FOXP2: variants seen among roughly 807,000 people sequenced by gnomAD.
The protein encoded by FOXP2 is forkhead box P2, also known as forkhead box protein P2.
In FOXP2, 12 loss-of-function variants were observed where a neutral mutation model predicts 115.8. The ratio of observed to expected loss-of-function variants is 0.10; its 90% confidence interval spans 0.07 to 0.17. The LOEUF (loss-of-function observed/expected upper bound fraction) is 0.17. Ranked by LOEUF, FOXP2 falls within the 10% of genes least tolerant of loss-of-function variation. The pLI is 1.00. For synonymous variants in FOXP2, 328 were observed against 297.7 expected (o/e 1.10, Z -1.05); for missense variants, 629 against 843.5 (o/e 0.75, Z 3.15).
chr7:114,363,697 C>G (rs1470296802), intron 2 of FOXP2, among the ~76,000 whole-genome samples: 1 of 151,916 alleles, frequency 6.6e-6, no homozygotes, highest in African/African-American at 2.4e-5. Context: ...TATTTTTAAA[C>G]TCTTACGTGA....
chr7:114,262,364 G>A (rs1046632492), intron 1 of FOXP2, among the ~76,000 whole-genome samples: 3 of 151,988 alleles, frequency 2.0e-5, no homozygotes, highest in African/African-American at 7.2e-5. Context: ...TTGAGGCTTG[G>A]AGTGAGCTAT....
At chr7:114,646,569 T>C (rs1490234931) in intron 8 of FOXP2, among the ~76,000 whole-genome samples, 4 of 152,168 alleles carry the variant, frequency 2.6e-5, no homozygotes, top group East Asian at 1.9e-4. Context: ...TTCCAACCCA[T>C]TAACTTTATA....
At chr7:114,484,619 A>G (rs910446588) in intron 2 of FOXP2, among the ~76,000 whole-genome samples, 3 of 151,940 alleles carry the variant, frequency 2.0e-5, no homozygotes, top group Admixed American at 6.6e-5. Flanking sequence ...TAAAATGGTC[A>G]TTTATTCTAA....
intron 2 of FOXP2, among the ~76,000 whole-genome samples, chr7:114,511,156 G>A (rs1402628023): frequency 5.3e-5 from 8 of 152,078 alleles, no homozygotes; most frequent in Non-Finnish European, 1.0e-4. Flanking sequence ...GTTGAACAGT[G>A]AGAACACATG....
chr7:114,142,387 T>A (rs1319685729), intron 1 of FOXP2, among the ~76,000 whole-genome samples: 1 of 152,190 alleles, frequency 6.6e-6, no homozygotes, highest in Non-Finnish European at 1.5e-5. Context: ...AGAAGCACTA[T>A]TATTTGTAGA....
intron 1 of FOXP2, among the ~76,000 whole-genome samples, chr7:114,242,470 C>G (rs1236993194): frequency 6.6e-6 from 1 of 151,910 alleles, no homozygotes; most frequent in Non-Finnish European, 1.5e-5. Flanking sequence ...GACCATATCC[C>G]CATAACCATT....
At chr7:114,382,242 G>T (rs1457206069) in intron 2 of FOXP2, among the ~76,000 whole-genome samples, 1 of 152,144 alleles carries the variant, frequency 6.6e-6, no homozygotes, top group African/African-American at 2.4e-5. Context: ...CAGTGTCCAG[G>T]AGACAGTTAC....
At chr7:114,661,980 A>G (rs1046038313) in intron 13 of FOXP2, 85 bp from the exon 14 acceptor site, 3 of 1,531,584 alleles carry the variant, frequency 2.0e-6, no homozygotes, top group African/African-American at 2.7e-5. Context: ...ACTCTGATTA[A>G]GTAAGATCAA....
chr7:114,603,067 G>T (rs921741824), intron 3 of FOXP2, among the ~76,000 whole-genome samples: 2 of 152,114 alleles, frequency 1.3e-5, no homozygotes, highest in Admixed American at 6.6e-5. Flanking sequence ...GCAGCAAAAT[G>T]ATGACTATTT....
At chr7:114,101,899 T>TG (rs1790974326) in intron 1 of FOXP2, among the ~76,000 whole-genome samples, 3 of 142,410 alleles carry the variant, frequency 2.1e-5, no homozygotes, top group African/African-American at 7.7e-5. Context: ...CTTCAACATT[T>TG]TGTGTGTGTG....
intron 1 of FOXP2, among the ~76,000 whole-genome samples, chr7:114,271,600 A>T (rs1171237307): frequency 4.8e-5 from 6 of 124,140 alleles, no homozygotes; most frequent in African/African-American, 1.9e-4. Flanking sequence ...TTATAATATA[A>T]TATTAATATA....
chr7:114,371,971 A>G (rs1792019782), intron 2 of FOXP2, among the ~76,000 whole-genome samples: 1 of 152,210 alleles, frequency 6.6e-6, no homozygotes, highest in Non-Finnish European at 1.5e-5. Flanking sequence ...ATATGAATAT[A>G]TGTTTTTAAA....
chr7:114,364,267 T>G (rs1180363967), intron 2 of FOXP2, among the ~76,000 whole-genome samples: 1 of 152,110 alleles, frequency 6.6e-6, no homozygotes, highest in Non-Finnish European at 1.5e-5. Context: ...ATATTGTTAA[T>G]GAAGTGGAGG....
At chr7:114,527,284 G>A (rs758517437) in intron 2 of FOXP2, among the ~76,000 whole-genome samples, 23 of 152,022 alleles carry the variant, frequency 1.5e-4, no homozygotes, top group Non-Finnish European at 3.1e-4. Context: ...CTTTTTGTGG[G>A]AATGTAAGTT....
intron 3 of FOXP2, among the ~76,000 whole-genome samples, chr7:114,558,179 G>A (rs776666115): frequency 1.3e-5 from 2 of 152,062 alleles, no homozygotes; most frequent in East Asian, 1.9e-4. Flanking sequence ...AATAAAACAC[G>A]TATGAAGTCA....
In FOXP2 at chr7:114,627,632, T is replaced by C. The variant is rs1445504318; in HGVS notation, c.259-908T>C. Among the ~76,000 whole-genome samples, 5 of 152,250 alleles carry C rather than the reference T, an allele frequency of 3.3e-5. No homozygotes were observed. The East Asian group carries it at 9.6e-4, about 29-fold the overall frequency. The stretch of plus-strand genomic sequence containing the variant: ...TGTCCTTTTTCTACGTTTTCCTTAC[T>C]TCCTTCCTTCTTTCTCCTTTATATC... On this transcript the variant is annotated intron_variant, in intron 3 of 16. Transcript: ENST00000350908.
At chr7:114,318,386 T>C (rs889253188) in intron 2 of FOXP2, among the ~76,000 whole-genome samples, 12 of 150,942 alleles carry the variant, frequency 8.0e-5, no homozygotes, top group South Asian at 6.3e-4. Context: ...TTTGTTTTTT[T>C]TTTTTTTTTT....
chr7:114,363,412 A>T (rs1179971325), intron 2 of FOXP2, among the ~76,000 whole-genome samples: 4 of 152,168 alleles, frequency 2.6e-5, no homozygotes, highest in Non-Finnish European at 5.9e-5. Context: ...TCCTTAGTTT[A>T]ATGTTATGTG....
chr7:114,140,219 C>T (rs189737380), intron 1 of FOXP2, among the ~76,000 whole-genome samples: 43 of 152,214 alleles, frequency 2.8e-4, no homozygotes, highest in African/African-American at 9.9e-4. Flanking sequence ...AGTTAGTTCT[C>T]AACTTCTTCA....
Sources: allele counts gnomAD v4.1 joint callset (sites outside exome capture counted in the v4.1 genomes callset), GRCh38; gene constraint gnomAD v4.1.1; transcripts MANE v1.5; gene names NCBI Gene and HGNC (gene_info 2026-07-23, HGNC 2026-07-21).